USH2A: variants seen among roughly 807,000 people sequenced by gnomAD.
USH2A encodes the protein Usher syndrome 2A (autosomal recessive, mild).
In USH2A, 443 loss-of-function variants were observed where a neutral mutation model predicts 538.9. The ratio of observed to expected loss-of-function variants is 0.82; its 90% CI spans 0.76 to 0.89. The LOEUF (loss-of-function observed/expected upper bound fraction) is 0.89, where lower values mean the gene tolerates loss of function less well. USH2A is among the 40% of genes least tolerant of loss of function. The probability of loss-of-function intolerance (pLI) is 0.00; values close to 1 mark genes in which losing one functional copy is unlikely to be tolerated. For missense variants in USH2A, 6,633 were observed against 6,324.8 expected, an observed-to-expected ratio of 1.05 and a Z score of -1.65; for synonymous variants, 2,413 against 2,273.5, an observed-to-expected ratio of 1.06 and a Z score of -1.75.
intron 60 of USH2A, among the ~76,000 whole-genome samples, chr1:215,734,372 T>A (rs1660093825): frequency 6.6e-6 from 1 of 152,200 alleles, no homozygotes; most frequent in Admixed American, 6.5e-5. Flanking sequence ...GCCTCTGGGC[T>A]TGTGTTGAGA....
intron 11 of USH2A, among the ~76,000 whole-genome samples, chr1:216,252,550 T>C (rs763506433): frequency 3.3e-5 from 5 of 152,200 alleles, no homozygotes; most frequent in Non-Finnish European, 7.3e-5. Context: ...ATTGTCCTCA[T>C]CCAAGAAATA....
intron 29 of USH2A, 50 bp from the exon 30 acceptor site, chr1:216,070,342 CTA>C (rs1558241742): frequency 6.5e-7 from 1 of 1,536,074 alleles, no homozygotes; most frequent in Admixed American, 1.7e-5. Context: ...TCTGAGAAGA[CTA>C]TTGCTCCTAT....
intron 44 of USH2A, among the ~76,000 whole-genome samples, chr1:215,858,585 T>G (rs1664233207): frequency 6.6e-6 from 1 of 151,160 alleles, no homozygotes; most frequent in Admixed American, 6.6e-5. Flanking sequence ...CAATTAAACC[T>G]TTTTCCTTTA....
chr1:215,989,661 A>C (rs761949310), intron 35 of USH2A, among the ~76,000 whole-genome samples: 20 of 152,122 alleles, frequency 1.3e-4, no homozygotes, highest in Non-Finnish European at 2.4e-4. Context: ...GTGTGGTGAC[A>C]GCAGTCAGGG....
chr1:216,317,598 A>G (rs1293516607), intron 9 of USH2A, among the ~76,000 whole-genome samples: 6 of 152,114 alleles, frequency 3.9e-5, no homozygotes, highest in Admixed American at 2.0e-4. Flanking sequence ...CTGTAATCCC[A>G]GCACTTTGGG....
At chr1:216,041,815 T>C (rs2030289583) in intron 32 of USH2A, among the ~76,000 whole-genome samples, 1 of 152,038 alleles carries the variant, frequency 6.6e-6, no homozygotes. Flanking sequence ...CTATAACTAG[T>C]ACTTTAAAAT....
At chr1:215,859,841 T>C (rs1664270283) in intron 44 of USH2A, among the ~76,000 whole-genome samples, 1 of 152,196 alleles carries the variant, frequency 6.6e-6, no homozygotes, top group African/African-American at 2.4e-5. Context: ...TTGCCATGGT[T>C]CCCAGCAAAG....
chr1:216,053,143 T>A (rs1292997947), intron 30 of USH2A, among the ~76,000 whole-genome samples: 1 of 152,240 alleles, frequency 6.6e-6, no homozygotes, highest in Admixed American at 6.5e-5. Flanking sequence ...TAAAGAAGAA[T>A]GTTTGCATAC....
chr1:216,243,179 T>C (rs2035969195), intron 13 of USH2A, among the ~76,000 whole-genome samples: 1 of 152,204 alleles, frequency 6.6e-6, no homozygotes, highest in South Asian at 2.1e-4. Flanking sequence ...GCAGTGAGTC[T>C]ATAAGGCAAA....
At chr1:216,266,266 T>G (rs779617252) in intron 11 of USH2A, among the ~76,000 whole-genome samples, 7 of 151,988 alleles carry the variant, frequency 4.6e-5, no homozygotes, top group Non-Finnish European at 1.0e-4. Context: ...CAGATCAAGG[T>G]GCAATCTCAT....
At chr1:215,772,173 G>C (rs1296908378) in intron 55 of USH2A, among the ~76,000 whole-genome samples, 1 of 152,086 alleles carries the variant, frequency 6.6e-6, no homozygotes, top group Non-Finnish European at 1.5e-5. Context: ...ACTAGCAACA[G>C]GCAATAAAAA....
At chr1:216,223,817 C>T (rs1384376585) in intron 14 of USH2A, among the ~76,000 whole-genome samples, 1 of 152,192 alleles carries the variant, frequency 6.6e-6, no homozygotes, top group Non-Finnish European at 1.5e-5. Context: ...CATCTGAAGT[C>T]ATTGACCTGG....
chr1:216,354,489 T>C (rs954715886), intron 4 of USH2A, among the ~76,000 whole-genome samples: 1 of 152,116 alleles, frequency 6.6e-6, no homozygotes, highest in Non-Finnish European at 1.5e-5. Flanking sequence ...CTAGGGGTGA[T>C]AGTGAATAAT....
chr1:216,274,304 T>C (rs777429630), intron 11 of USH2A, among the ~76,000 whole-genome samples: 3 of 152,082 alleles, frequency 2.0e-5, no homozygotes, highest in Non-Finnish European at 4.4e-5. Flanking sequence ...AATAGACTGG[T>C]TTCAGCAATA....
intron 6 of USH2A, 142 bp downstream of exon 6, chr1:216,325,163 G>T: frequency 1.0e-6 from 1 of 975,688 alleles, no homozygotes; most frequent in Non-Finnish European, 1.5e-6. Flanking sequence ...AGGGAATGTA[G>T]CCCTGCCAAC....
At chr1:216,237,567 T>C (rs2035853859) in intron 13 of USH2A, among the ~76,000 whole-genome samples, 1 of 151,396 alleles carries the variant, frequency 6.6e-6, no homozygotes, top group African/African-American at 2.4e-5. Context: ...TGGAGTCAGA[T>C]GGACCTGGAC....
chr1:215,763,723 C>T (rs946094518), intron 56 of USH2A, among the ~76,000 whole-genome samples: 4 of 151,908 alleles, frequency 2.6e-5, no homozygotes, highest in South Asian at 2.1e-4. Flanking sequence ...GAAAAAGAAT[C>T]AGGATGTGGG....
At chr1:215,968,117 A>G (rs1667400169) in intron 36 of USH2A, among the ~76,000 whole-genome samples, 1 of 152,212 alleles carries the variant, frequency 6.6e-6, no homozygotes, top group Non-Finnish European at 1.5e-5. Context: ...GAAAGCATTT[A>G]AAAAGTTCCT....
intron 64 of USH2A, among the ~76,000 whole-genome samples, chr1:215,658,265 T>C (rs76336011): frequency 6.6e-6 from 1 of 151,884 alleles, no homozygotes; most frequent in Non-Finnish European, 1.5e-5. Flanking sequence ...TTTTTTTTTT[T>C]CTTATATCTG....
Sources: gnomAD v4.1 joint callset for allele counts (sites outside exome capture counted in the v4.1 genomes callset) on GRCh38, gnomAD v4.1.1 for gene constraint, MANE v1.5 for transcripts, NCBI Gene and HGNC (gene_info 2026-07-23, HGNC 2026-07-21) for gene names.